SLC39A10: variants seen among roughly 807,000 people sequenced by gnomAD.
The protein encoded by SLC39A10 is zinc transporter ZIP10.
In SLC39A10, 13 loss-of-function variants were observed where a neutral mutation model predicts 65.1. The observed-to-expected ratio is 0.20, with a 90% CI of 0.13 to 0.32. The LOEUF is 0.32. Among genes scored for constraint, SLC39A10 ranks in the 10% least tolerant of loss-of-function variants. The probability of loss-of-function intolerance (pLI) is 1.00; values close to 1 mark genes in which losing one functional copy is unlikely to be tolerated. For synonymous variants in SLC39A10, 321 were observed against 342.2 expected, an observed-to-expected ratio of 0.94 and a Z score of 0.68; for missense variants, 831 against 1,018.4, an observed-to-expected ratio of 0.82 and a Z score of 2.50.
chr2:195,640,787 C>T (rs1294867999), intron 2 of SLC39A10, among the ~76,000 whole-genome samples: 1 of 152,110 alleles, frequency 6.6e-6, no homozygotes, highest in Non-Finnish European at 1.5e-5. Context: ...ATCATTTCCT[C>T]AAATTAACTG....
chr2:195,670,433 C>T (rs185336663), intron 1 of SLC39A10: 67 of 152,218 alleles, frequency 4.4e-4, no homozygotes, highest in African/African-American at 1.5e-3. Context: ...TGCCAATCTT[C>T]TCTGTATTTT....
At chr2:195,682,863 A>T (rs550710547) in intron 2 of SLC39A10, among the ~76,000 whole-genome samples, 3 of 152,120 alleles carry the variant, frequency 2.0e-5, no homozygotes, top group Admixed American at 6.5e-5. Flanking sequence ...AAAATAAAAA[A>T]AAAAAACTAA....
chr2:195,664,436 A>G (rs1404791529), intron 1 of SLC39A10, among the ~76,000 whole-genome samples: 1 of 152,146 alleles, frequency 6.6e-6, no homozygotes, highest in African/African-American at 2.4e-5. Context: ...CAGCAGTCAT[A>G]GAAGAAATTG....
rs554902180 is a variant in SLC39A10 at position 195,680,807 on chromosome 2, T to C, written c.765T>C (p.His255=). The C allele has an allele frequency of 9.3e-6, 15 of 1,614,142 alleles. No individual in the cohort carries two copies. The African/African-American group carries it at 1.7e-4, about 19-fold the overall frequency. Residue 255 remains histidine, a synonymous_variant, in exon 2 of 10, where the codon CAT becomes CAC. Transcript: ENST00000359634. ...TTACACCAGGTTTTCCCCCTAACCA[T>C]GATCAGGGTGAACAGTATGAGCATA... ...EVITPGFPPN[H]DQGEQYEHNR...
chr2:195,640,048 A>C (rs757522254), intron 2 of SLC39A10, among the ~76,000 whole-genome samples: 1 of 152,192 alleles, frequency 6.6e-6, no homozygotes, highest in Admixed American at 6.5e-5. Flanking sequence ...CAAATTTCTC[A>C]GATTTGCCTT....
intron 6 of SLC39A10, among the ~76,000 whole-genome samples, chr2:195,715,119 A>G (rs1288985810): frequency 6.6e-6 from 1 of 152,248 alleles, no homozygotes; most frequent in South Asian, 2.1e-4. Flanking sequence ...AACAGCATGT[A>G]TAAAATAAAA....
At chr2:195,711,171 A>G (rs1198421232) in intron 5 of SLC39A10, among the ~76,000 whole-genome samples, 1 of 152,228 alleles carries the variant, frequency 6.6e-6, no homozygotes, top group Non-Finnish European at 1.5e-5. Context: ...CTCTAATGTG[A>G]CAATCTAAGA....
intron 1 of SLC39A10, chr2:195,657,721 C>A (rs1446339040): frequency 2.4e-6 from 2 of 820,764 alleles, no homozygotes; most frequent in African/African-American, 1.9e-5. Flanking sequence ...CGCGGGCGGG[C>A]GAGGCTTTGG....
upstream of SLC39A10, among the ~76,000 whole-genome samples, chr2:195,652,302 C>T (rs976720273): frequency 1.3e-5 from 2 of 152,050 alleles, no homozygotes; most frequent in African/African-American, 4.8e-5. Flanking sequence ...AATACCAGCA[C>T]TTTGGGACGC....
At chr2:195,707,273 A>G (rs1166564217) in intron 4 of SLC39A10, among the ~76,000 whole-genome samples, 2 of 152,138 alleles carry the variant, frequency 1.3e-5, no homozygotes, top group East Asian at 3.8e-4. Flanking sequence ...TTCTAATTAT[A>G]TGATCACAAG....
intron 7 of SLC39A10, among the ~76,000 whole-genome samples, chr2:195,717,978 C>G (rs1366435875): frequency 6.6e-6 from 1 of 152,172 alleles, no homozygotes; most frequent in East Asian, 1.9e-4. Context: ...AAAATTGTTA[C>G]TATTCCCGAG....
intron 2 of SLC39A10, among the ~76,000 whole-genome samples, chr2:195,617,808 C>T (rs1376162626): frequency 6.6e-6 from 1 of 151,158 alleles, no homozygotes; most frequent in Non-Finnish European, 1.5e-5. Flanking sequence ...GGCACAATCT[C>T]GGCGGACTGC....
rs34250178 is a variant in SLC39A10 at position 195,737,365 on chromosome 2, T to TATATCA, written c.*2326_*2327insATCAAT. 331 of 152,530 alleles carry TATATCA rather than the reference T, an allele frequency of 2.2e-3. No homozygotes were observed. Among genetic ancestry groups the TATATCA allele is most frequent in the Non-Finnish European group, 3.8e-3 (261 of 68,528 alleles). The allele number at this position is 152,530 out of a possible 1,614,324, so 9.4% of individuals were successfully genotyped here. A position where few individuals can be genotyped will look rare whatever the true frequency, so the allele number is the denominator to read the frequency against. ...TGACATCCATATGAATTTTGGTATA[T>TATATCA]ATCAATCAATCAATCAATCACATTG... On this transcript the variant is annotated 3_prime_UTR_variant, in exon 10 of 10. Coordinates refer to ENST00000359634, the MANE Select transcript of SLC39A10 (RefSeq NM_020342.3).
At chr2:195,712,429 A>G (rs1035670878) in intron 5 of SLC39A10, among the ~76,000 whole-genome samples, 1 of 152,246 alleles carries the variant, frequency 6.6e-6, no homozygotes, top group Non-Finnish European at 1.5e-5. Context: ...CTTTGAGATT[A>G]CCTTATGCTC....
At position 195,728,137 on chromosome 2, in the gene SLC39A10, T is replaced by C. The variant is rs753537016; in HGVS notation, c.2147-22T>C. 1 of 1,594,798 alleles carries C rather than the reference T, an allele frequency of 6.3e-7. No homozygotes were observed. Among genetic ancestry groups the C allele is most frequent in the Admixed American group, 1.7e-5 (1 of 58,958 alleles). On this transcript the variant is annotated intron_variant, in intron 8 of 9. Coordinates refer to ENST00000359634, the MANE Select transcript of SLC39A10 (RefSeq NM_020342.3). This position sits in a 1 kb window ranked among gnomAD's most constrained non-coding sequence, Gnocchi z 4.4. Reference sequence around the variant, plus strand: ...TTTAAATCCTGTGGTTTTAAAACATTCCCATTGTTTCTTAATTGCAGGAGA... The same window carrying C: ...TTTAAATCCTGTGGTTTTAAAACATCCCCATTGTTTCTTAATTGCAGGAGA...
chr2:195,622,702 G>C (rs1688375495), intron 2 of SLC39A10, among the ~76,000 whole-genome samples: 1 of 152,194 alleles, frequency 6.6e-6, no homozygotes, highest in African/African-American at 2.4e-5. Context: ...GCCGGGCGCG[G>C]TGGCTCACGC....
chr2:195,708,906 CT>C, intron 5 of SLC39A10, 62 bp downstream of exon 5: 3 of 1,205,498 alleles, frequency 2.5e-6, no homozygotes, highest in Non-Finnish European at 3.5e-6. Context: ...TTATCCTTTT[CT>C]GGGTATATGC....
rs1692332495 is a variant in SLC39A10 at position 195,728,815 on chromosome 2, A to T, written c.2337+466A>T. Among the ~76,000 whole-genome samples, 1 of 152,194 alleles carries T rather than the reference A, an allele frequency of 6.6e-6. No homozygotes were observed. Among genetic ancestry groups the T allele is most frequent in the Admixed American group, 6.5e-5 (1 of 15,274 alleles). ...CTTAAAGTTAAATGTAAATGCTAAC[A>T]ATTTGTTTTATTTTGATTTTACTTT... On this transcript the variant is annotated intron_variant, in intron 9 of 9. Coordinates refer to ENST00000359634, the MANE Select transcript of SLC39A10 (RefSeq NM_020342.3). The surrounding 1 kb of genome is among the most constrained non-coding windows in gnomAD (Gnocchi z 4.4).
chr2:195,617,714 C>CTTTTATTTTA (rs1553490663), intron 2 of SLC39A10, among the ~76,000 whole-genome samples: 3 of 147,058 alleles, frequency 2.0e-5, no homozygotes, highest in African/African-American at 7.5e-5. Context: ...CTTTTCTTTT[C>CTTTTATTTTA]TTTTCTTTTC....
Sources: gnomAD v4.1 joint callset for allele counts (sites outside exome capture counted in the v4.1 genomes callset) on GRCh38, gnomAD v4.1.1 for gene constraint, Gnocchi (gnomAD v3.1) non-coding constraint, MANE v1.5 for transcripts, NCBI Gene and HGNC (gene_info 2026-07-23, HGNC 2026-07-21) for gene names.